FAM171A1: variants seen among roughly 807,000 people sequenced by gnomAD.
The protein encoded by FAM171A1 is protein FAM171A1.
In FAM171A1, 23 loss-of-function variants were observed where a neutral mutation model predicts 74.9. The ratio of observed to expected loss-of-function variants is 0.31; its 90% CI spans 0.22 to 0.44. The LOEUF (loss-of-function observed/expected upper bound fraction) is 0.44. FAM171A1 is among the 20% of genes least tolerant of loss of function. FAM171A1 has a pLI of 1.00. For missense variants in FAM171A1, 1,162 were observed against 1,159.2 expected (o/e 1.00, Z -0.03); for synonymous variants, 527 against 505.7 (o/e 1.04, Z -0.57).
intron 1 of FAM171A1, among the ~76,000 whole-genome samples, chr10:15,339,892 G>A (rs574870185): frequency 6.6e-6 from 1 of 152,254 alleles, no homozygotes; most frequent in South Asian, 2.1e-4. Context: ...CGTCTTACAT[G>A]GTGGCAGACA....
At chr10:15,293,072 T>C (rs1316561867) in intron 1 of FAM171A1, among the ~76,000 whole-genome samples, 1 of 152,236 alleles carries the variant, frequency 6.6e-6, no homozygotes, top group African/African-American at 2.4e-5. Flanking sequence ...ATGTTTATTA[T>C]TAAACTCTAC....
rs751168273 is a variant in FAM171A1, at chr10:15,214,484, G to T, written c.1104C>A (p.Arg368=). 5.0e-6 allele frequency: 8 copies of T among 1,614,198 alleles called. No homozygotes were observed. The South Asian group carries it at 8.8e-5, about 18-fold the overall frequency. Residue 368 remains arginine (R), a synonymous_variant, in exon 8 of 8, where the codon CGC becomes CGA. Coordinates refer to ENST00000378116, the MANE Select transcript of FAM171A1 (RefSeq NM_001010924.2). ...SMSHINLLFS[R]RASEFPGPLS... ...GCGGGCCAGGGAATTCTGACGCTCG[G>T]CGTGAAAACAGCAAGTTAATGTGTG... is the stretch of plus-strand genomic sequence containing the variant.
At chr10:15,260,772 G>A (rs1339498988) in intron 3 of FAM171A1, among the ~76,000 whole-genome samples, 1 of 152,030 alleles carries the variant, frequency 6.6e-6, no homozygotes, top group Non-Finnish European at 1.5e-5. Flanking sequence ...TTTGTTTGGG[G>A]GTGTCCCATG....
chr10:15,239,671 G>C (rs1834339495), intron 5 of FAM171A1, among the ~76,000 whole-genome samples: 2 of 152,134 alleles, frequency 1.3e-5, no homozygotes, highest in African/African-American at 4.8e-5. Context: ...GGCACAATTG[G>C]ATCATTACAT....
At chr10:15,243,521 C>A (rs959923755) in intron 5 of FAM171A1, among the ~76,000 whole-genome samples, 13 of 152,070 alleles carry the variant, frequency 8.5e-5, no homozygotes, top group African/African-American at 3.1e-4. Flanking sequence ...TACACCTGTG[C>A]CATATAGTTA....
intron 1 of FAM171A1, among the ~76,000 whole-genome samples, chr10:15,295,686 G>C (rs375985982): frequency 1.1e-4 from 16 of 152,238 alleles, no homozygotes; most frequent in African/African-American, 3.4e-4. Context: ...CTAGTAGTGG[G>C]GAACCCAGCA....
At chr10:15,300,793 G>A (rs1329478114) in intron 1 of FAM171A1, among the ~76,000 whole-genome samples, 5 of 152,144 alleles carry the variant, frequency 3.3e-5, no homozygotes, top group Non-Finnish European at 7.3e-5. Context: ...TGGAGCTCTA[G>A]TGAGATCTCA....
chr10:15,350,712 C>G (rs1835867750), intron 1 of FAM171A1, among the ~76,000 whole-genome samples: 1 of 151,476 alleles, frequency 6.6e-6, no homozygotes, highest in Non-Finnish European at 1.5e-5. Context: ...CATCTTGGCT[C>G]ACTGCAACAT....
rs183433582 is a variant in FAM171A1, at chr10:15,246,133, C to A, written c.754+2506G>T. Among the ~76,000 whole-genome samples, 4 of 151,874 alleles carry A rather than the reference C, an allele frequency of 2.6e-5. No individual in the cohort carries two copies. The Admixed American group carries it at 2.6e-4, about 10-fold the overall frequency. ...CACACCATCAATAAAGTGCCCGTCT[C>A]GCTTACTGCAGGATATGTGAACAGA... On this transcript the variant is annotated intron_variant, in intron 5 of 7. Coordinates refer to ENST00000378116, the MANE Select transcript of FAM171A1 (RefSeq NM_001010924.2).
At chr10:15,255,065 A>C (rs561420951) in intron 3 of FAM171A1, among the ~76,000 whole-genome samples, 186 bp from the exon 4 acceptor site, 1 of 152,204 alleles carries the variant, frequency 6.6e-6, no homozygotes, top group African/African-American at 2.4e-5. Context: ...TGGGGAGAGA[A>C]ATAATAGCCC....
intron 1 of FAM171A1, among the ~76,000 whole-genome samples, chr10:15,363,260 C>T (rs1392896855): frequency 2.6e-5 from 4 of 152,180 alleles, no homozygotes; most frequent in Non-Finnish European, 4.4e-5. Context: ...GGACATACTT[C>T]GCATTATTCT....
rs59361495 is a variant in FAM171A1 at position 15,303,997 on chromosome 10, G to A, written c.98-19892C>T. Among the ~76,000 whole-genome samples the A allele has an allele frequency of 3.1e-3, 466 of 152,330 alleles. 1 individual carries two copies. Among genetic ancestry groups the A allele is most frequent in the African/African-American group, 0.011 (440 of 41,568 alleles). On this transcript the variant is annotated intron_variant, in intron 1 of 7. Transcript: ENST00000378116. ...TGCCACAGGCATGCAGGGACAGGAC[G>A]ATTTCCCGGGGCTGATGGTGCATCT... is the stretch of plus-strand genomic sequence containing the variant.
upstream of FAM171A1, among the ~76,000 whole-genome samples, chr10:15,374,540 A>G (rs1393588897): frequency 2.6e-5 from 4 of 152,192 alleles, no homozygotes; most frequent in African/African-American, 9.7e-5. Flanking sequence ...ATCATCAGAC[A>G]CCCACTCAGT....
At chr10:15,257,106 A>G (rs2131772250) in intron 3 of FAM171A1, among the ~76,000 whole-genome samples, 2 of 152,324 alleles carry the variant, frequency 1.3e-5, no homozygotes, top group African/African-American at 4.8e-5. Context: ...TAATAGGAAG[A>G]GAACAAGAAT....
intron 1 of FAM171A1, among the ~76,000 whole-genome samples, chr10:15,309,025 C>T (rs1219542486): frequency 6.6e-6 from 1 of 152,028 alleles, no homozygotes; most frequent in African/African-American, 2.4e-5. Flanking sequence ...TTAAAAAAAC[C>T]AAATAAAATC....
At chr10:15,355,534 T>G (rs1032651191) in intron 1 of FAM171A1, among the ~76,000 whole-genome samples, 3 of 151,988 alleles carry the variant, frequency 2.0e-5, no homozygotes, top group Non-Finnish European at 2.9e-5. Flanking sequence ...CCTGGCCAAC[T>G]TGGTGAAACC....
chr10:15,218,999 CT>C (rs763761620), intron 6 of FAM171A1, among the ~76,000 whole-genome samples: 5 of 152,068 alleles, frequency 3.3e-5, no homozygotes, highest in African/African-American at 4.8e-5. Flanking sequence ...AAAGCATATA[CT>C]GGACAGGCGC....
At chr10:15,312,088 G>A (rs931038128) in intron 1 of FAM171A1, among the ~76,000 whole-genome samples, 1 of 152,192 alleles carries the variant, frequency 6.6e-6, no homozygotes, top group Non-Finnish European at 1.5e-5. Flanking sequence ...ATTCAAGCGT[G>A]CATCTTCTAA....
intron 1 of FAM171A1, among the ~76,000 whole-genome samples, chr10:15,307,272 C>T (rs965346275): frequency 5.3e-5 from 8 of 152,116 alleles, no homozygotes; most frequent in African/African-American, 9.7e-5. Flanking sequence ...AACCCTGACA[C>T]GACACAGACG....
Sources: gnomAD v4.1 joint callset for allele counts (sites outside exome capture counted in the v4.1 genomes callset) on GRCh38, gnomAD v4.1.1 for gene constraint, MANE v1.5 for transcripts, NCBI Gene and HGNC (gene_info 2026-07-23, HGNC 2026-07-21) for gene names.